The following CACNA1I variants were observed in gnomAD, a reference collection of about 807,000 sequenced individuals.
CACNA1I encodes calcium voltage-gated channel subunit alpha1 I.
In CACNA1I, 74 loss-of-function variants were observed where a neutral mutation model predicts 201.6. The observed-to-expected ratio is 0.37, with a 90% confidence interval of 0.30 to 0.45. The LOEUF (loss-of-function observed/expected upper bound fraction) is 0.45. CACNA1I is among the 20% of genes least tolerant of loss of function. The pLI is 1.00. For missense variants in CACNA1I, 2,346 were observed against 3,138.1 expected, an observed-to-expected ratio of 0.75 and a Z score of 6.03; for synonymous variants, 1,431 against 1,345.2, an observed-to-expected ratio of 1.06 and a Z score of -1.40.
At chr22:39,664,564 C>T (rs959254065) in intron 20 of CACNA1I, among the ~76,000 whole-genome samples, 175 bp from the exon 21 acceptor site, 5 of 152,214 alleles carry the variant, frequency 3.3e-5, no homozygotes, top group Admixed American at 3.3e-4. Flanking sequence ...ATCAACCGCC[C>T]TCAGAGGGCG....
rs1482010114 is a variant in CACNA1I, at chr22:39,678,010, G to C, written c.4957G>C (p.Glu1653Gln). ...AGTCTGCAACGACGAGAACCCGTGCGAGGGCATGAGCCGGCATGCCACCTT... is the reference window on the plus strand; with the variant it reads ...AGTCTGCAACGACGAGAACCCGTGCCAGGGCATGAGCCGGCATGCCACCTT... Reference protein sequence around the residue: ...KLVCNDENPCEGMSRHATFEN... With the variant: ...KLVCNDENPCQGMSRHATFEN... Residue 1653 changes from glutamate to glutamine, a missense_variant, in exon 31 of 37, where the codon GAG becomes CAG. Glu to Gln is a conservative substitution (Grantham distance 29). Transcript: ENST00000402142. 1 of 1,598,508 alleles carries C rather than the reference G, an allele frequency of 6.3e-7. No homozygotes were observed. The highest frequency in any genetic ancestry group is 8.5e-7 in the Non-Finnish European group (1 of 1,172,924).
chr22:39,684,359 A>T lies in CACNA1I; in HGVS notation c.5888A>T (p.Glu1963Val). The T allele has an allele frequency of 6.2e-7, 1 of 1,613,478 alleles. No individual in the cohort carries two copies. Among genetic ancestry groups the T allele is most frequent in the Non-Finnish European group, 8.5e-7 (1 of 1,179,818 alleles). The change falls in exon 36 of 37, where the codon GAG (glutamate) becomes GTG (valine). Residue 1963 changes from glutamate to valine, a missense_variant. By Grantham distance (121) the Glu-to-Val change is moderately radical. Coordinates refer to ENST00000402142, the MANE Select transcript of CACNA1I (RefSeq NM_021096.4). The surrounding 1 kb of genome is among the most constrained non-coding windows in gnomAD (Gnocchi z 4.6). The part of the protein sequence containing the change: ...ASSPLLPMPA[E>V]FFHPAVSASQ... ...AGCCCTCTCCTGCCCATGCCAGCCG[A>T]GTTCTTCCACCCTGCAGTGTCTGCC...
At chr22:39,581,689 C>T (rs1037241708) in intron 1 of CACNA1I, among the ~76,000 whole-genome samples, 1 of 152,182 alleles carries the variant, frequency 6.6e-6, no homozygotes, top group African/African-American at 2.4e-5. Context: ...TGGGCTTCTG[C>T]CCTGCTGCCT....
chr22:39,686,008 CCACCAGCCCGGGCTG>C lies in CACNA1I; in HGVS notation c.6280_6294del (p.Ser2094_Thr2098del). On this transcript the variant is annotated inframe_deletion, in exon 37 of 37. Transcript: ENST00000402142. ...CAGCGCAGCCACAGCAGCGGGGGCT[CCACCAGCCCGGGCTG>C]CACCCACCACGACTCCATGGACCCC... 2 of 1,244,462 alleles carry C rather than the reference CCACCAGCCCGGGCTG, an allele frequency of 1.6e-6. No homozygotes were observed. Among genetic ancestry groups the C allele is most frequent in the Non-Finnish European group, 2.0e-6 (2 of 999,170 alleles). The allele number at this position is 1,244,462 out of a possible 1,614,324, so 77.1% of individuals were successfully genotyped here. A position where few individuals can be genotyped will look rare whatever the true frequency, so the allele number is the denominator to read the frequency against.
chr22:39,594,392 A>G (rs1191778616), intron 1 of CACNA1I, among the ~76,000 whole-genome samples: 2 of 152,052 alleles, frequency 1.3e-5, no homozygotes, highest in African/African-American at 4.8e-5. Context: ...GGGATGGGGG[A>G]TGTTCTTTGG....
chr22:39,583,031 ACCATCCAT>A (rs59155285), intron 1 of CACNA1I, among the ~76,000 whole-genome samples: 37,034 of 116,122 alleles, frequency 0.32, 6,263 homozygotes, highest in Non-Finnish European at 0.41. Context: ...CAAGCACCCA[ACCATCCAT>A]CCATCCATCC....
intron 1 of CACNA1I, among the ~76,000 whole-genome samples, chr22:39,578,001 T>A (rs1932416442): frequency 1.3e-5 from 2 of 151,726 alleles, no homozygotes; most frequent in Admixed American, 1.3e-4. Flanking sequence ...ACAAACTAAG[T>A]GCTGAGTGGC....
intron 25 of CACNA1I, 131 bp from the exon 26 acceptor site, chr22:39,670,672 G>A: frequency 1.2e-6 from 1 of 832,530 alleles, no homozygotes; most frequent in East Asian, 2.4e-5. Flanking sequence ...TGATCCCAGG[G>A]CCTGGGGTGG....
chr22:39,632,904 G>A (rs997784603), intron 4 of CACNA1I, among the ~76,000 whole-genome samples: 3 of 151,772 alleles, frequency 2.0e-5, no homozygotes, highest in African/African-American at 7.3e-5. Context: ...TGCTCTCGGT[G>A]GGGTGAAGCA....
At position 39,589,861 on chromosome 22, in the gene CACNA1I, A is replaced by G. The variant is rs560228502; in HGVS notation, c.237-8290A>G. Among the ~76,000 whole-genome samples the G allele has an allele frequency of 4.1e-4, 62 of 151,996 alleles. 1 individual carries two copies. The highest frequency in any genetic ancestry group is 6.9e-4 in the Non-Finnish European group (47 of 67,914). ...ATGGAGCCCCCAGCCCCTTTTCTCC[A>G]CCTGATTTATTTAGACAACTGAAAC... On this transcript the variant is annotated intron_variant, in intron 1 of 36. Transcript: ENST00000402142.
chr22:39,603,325 C>T (rs960829668), intron 3 of CACNA1I, among the ~76,000 whole-genome samples: 3 of 152,132 alleles, frequency 2.0e-5, no homozygotes, highest in Admixed American at 6.5e-5. Flanking sequence ...ACAGATTTTG[C>T]TTGTAATATG....
rs769923653 is a variant in CACNA1I, at chr22:39,588,546, C to T, written c.237-9605C>T. On this transcript the variant is annotated intron_variant, in intron 1 of 36. Coordinates refer to ENST00000402142, the MANE Select transcript of CACNA1I (RefSeq NM_021096.4). ...GACTACAGGCGCCCACCACCACGCC[C>T]GGCTTATTTTTTGTATTTTTAGTAG... Among the ~76,000 whole-genome samples, 48 of 152,008 alleles carry T rather than the reference C, an allele frequency of 3.2e-4. 1 individual carries two copies. In the Middle Eastern group the frequency reaches 0.01, roughly 33 times the overall value.
chr22:39,577,241 A>G (rs1173633751), intron 1 of CACNA1I, among the ~76,000 whole-genome samples: 2 of 152,150 alleles, frequency 1.3e-5, no homozygotes, highest in African/African-American at 4.8e-5. Flanking sequence ...TCACCATTTT[A>G]GCCAGGCTGG....
chr22:39,633,090 C>A (rs982726245), intron 4 of CACNA1I, among the ~76,000 whole-genome samples: 1 of 152,070 alleles, frequency 6.6e-6, no homozygotes, highest in African/African-American at 2.4e-5. Flanking sequence ...CTAGCATACA[C>A]AACCATCTGG....
At position 39,686,467 on chromosome 22, in the gene CACNA1I, C is replaced by A. The variant is rs1248715088; in HGVS notation, c.*62C>A. Reference sequence around the variant, plus strand: ...CGTCTCACCTTCTTTACCTCAGGAGCCAGGAGCAGACAGCAATACTTCGTC... The same window carrying A: ...CGTCTCACCTTCTTTACCTCAGGAGACAGGAGCAGACAGCAATACTTCGTC... On this transcript the variant is annotated 3_prime_UTR_variant, in exon 37 of 37. Coordinates refer to ENST00000402142, the MANE Select transcript of CACNA1I (RefSeq NM_021096.4). 9 of 1,127,084 alleles carry A rather than the reference C, an allele frequency of 8.0e-6. No individual in the cohort carries two copies. In the Admixed American group the frequency reaches 2.7e-4, roughly 33 times the overall value. The allele number at this position is 1,127,084 out of a possible 1,614,324, so 69.8% of individuals were successfully genotyped here.
intron 18 of CACNA1I, among the ~76,000 whole-genome samples, 175 bp from the exon 19 acceptor site, chr22:39,663,543 C>T (rs535843665): frequency 6.6e-6 from 1 of 152,192 alleles, no homozygotes; most frequent in African/African-American, 2.4e-5. Context: ...TCAGAGGAGG[C>T]AGCGCCAGGT....
At chr22:39,617,889 C>T (rs2146390721) in intron 3 of CACNA1I, among the ~76,000 whole-genome samples, 1 of 150,260 alleles carries the variant, frequency 6.7e-6, no homozygotes, top group East Asian at 2.0e-4. Context: ...TTCCTCCCTC[C>T]CCCTCAGGTC....
Position 39,598,279 on chromosome 22 carries a change from G to GCCCCC in CACNA1I, c.348+21_348+22insCCCCC. On this transcript the variant is annotated intron_variant, in intron 2 of 36. Coordinates refer to ENST00000402142, the MANE Select transcript of CACNA1I (RefSeq NM_021096.4). ...ATCCTGCAGGTGAGCCGGCCGCCCC[G>GCCCCC]CCCCGCCCCGCCCTGCCCTCATCCT... 1 of 936,134 alleles carries GCCCCC rather than the reference G, an allele frequency of 1.1e-6. No individual in the cohort carries two copies. 58.0% of individuals were successfully genotyped at this position (936,134 alleles called of 1,614,324 possible).
At chr22:39,628,793 G>A (rs74426985) in intron 4 of CACNA1I, among the ~76,000 whole-genome samples, 6,287 of 152,272 alleles carry the variant, frequency 0.041, 177 homozygotes, top group Non-Finnish European at 0.067. Flanking sequence ...TCCAGGGAGA[G>A]TGGCCCCCAG....
Sources: gnomAD v4.1 joint callset for allele counts (sites outside exome capture counted in the v4.1 genomes callset) on GRCh38, gnomAD v4.1.1 for gene constraint, Gnocchi (gnomAD v3.1) non-coding constraint, MANE v1.5 for transcripts, NCBI Gene and HGNC (gene_info 2026-07-23, HGNC 2026-07-21) for gene names.